Variants in NSD1 observed in about 807,000 individuals in gnomAD.
NSD1 encodes the protein nuclear receptor binding SET domain protein 1, also known as histone-lysine N-methyltransferase, H3 lysine-36 specific.
In NSD1, 26 loss-of-function variants were observed where a neutral mutation model predicts 242.7. That is an observed-to-expected ratio of 0.11 (90% CI 0.08 to 0.15). The LOEUF is 0.15. Ranked by LOEUF, NSD1 falls within the 10% of genes least tolerant of loss-of-function variation. The probability of loss-of-function intolerance (pLI) is 1.00; values close to 1 mark genes in which losing one functional copy is unlikely to be tolerated. For missense variants in NSD1, 2,495 were observed against 3,272.8 expected (o/e 0.76, Z 5.80); for synonymous variants, 1,106 against 1,178.1 (o/e 0.94, Z 1.25).
chr5:177,189,630 G>A (rs1037598346), intron 2 of NSD1, among the ~76,000 whole-genome samples: 4 of 152,126 alleles, frequency 2.6e-5, no homozygotes, highest in Non-Finnish European at 4.4e-5. Flanking sequence ...GTAACCACAG[G>A]CATGTAGTAA....
chr5:177,225,082 A>C (rs1020536039), intron 5 of NSD1, among the ~76,000 whole-genome samples: 1 of 152,068 alleles, frequency 6.6e-6, no homozygotes, highest in African/African-American at 2.4e-5. Flanking sequence ...TACTCAAAGG[A>C]TATTGGTCTA....
At chr5:177,136,622 A>C (rs1193637469) in intron 2 of NSD1, among the ~76,000 whole-genome samples, 1 of 139,304 alleles carries the variant, frequency 7.2e-6, no homozygotes, top group African/African-American at 2.7e-5. Flanking sequence ...TTTTTTTTTG[A>C]GGTGGAGTCT....
chr5:177,269,224 G>A lies in NSD1; in HGVS notation c.5304-378G>A, dbSNP rs1231493869. ...ACCAAATTGTATTTTATTTTGTATA[G>A]TGTACCATGGATAATACTATTATTT... is the stretch of plus-strand genomic sequence containing the variant. On this transcript the variant is annotated intron_variant, in intron 15 of 22. Coordinates refer to ENST00000439151, the MANE Select transcript of NSD1 (RefSeq NM_022455.5). The surrounding 1 kb of genome is among the most constrained non-coding windows in gnomAD (Gnocchi z 5.1). Among the ~76,000 whole-genome samples, 2 of 152,062 alleles carry A rather than the reference G, an allele frequency of 1.3e-5. No homozygotes were observed. The highest frequency in any genetic ancestry group is 2.1e-4 in the South Asian group (1 of 4,826).
upstream of NSD1, among the ~76,000 whole-genome samples, chr5:177,132,055 G>C (rs1246380382): frequency 6.6e-6 from 1 of 152,222 alleles, no homozygotes; most frequent in Non-Finnish European, 1.5e-5. This position sits in a 1 kb window ranked among gnomAD's most constrained non-coding sequence, Gnocchi z 7.5. Flanking sequence ...CCCTTCCGCT[G>C]TCTTGGGGGA....
chr5:177,177,876 A>C (rs976757791), intron 2 of NSD1, among the ~76,000 whole-genome samples: 7 of 152,072 alleles, frequency 4.6e-5, no homozygotes, highest in Non-Finnish European at 1.5e-5. Context: ...TATTCTGTTA[A>C]TGCAAAAAAT....
At chr5:177,175,794 C>A (rs1160581292) in intron 2 of NSD1, among the ~76,000 whole-genome samples, 1 of 152,072 alleles carries the variant, frequency 6.6e-6, no homozygotes. Flanking sequence ...AAAATACTCT[C>A]CAGATGGCAA....
chr5:177,294,772 G>A lies in NSD1; in HGVS notation c.7404G>A (p.Arg2468=), dbSNP rs1189013429. The A allele has an allele frequency of 6.2e-7, 1 of 1,613,874 alleles. No homozygotes were observed. The highest frequency in any genetic ancestry group is 8.5e-7 in the Non-Finnish European group (1 of 1,180,042). The stretch of plus-strand genomic sequence containing the variant: ...ACCTAACTCCTCGCCAGAAGGAGCG[G>A]GCAGCTTCACCTCATCAGGTCACAC... ...LIDLTPRQKE[R]AASPHQVTPQ... is the part of the protein sequence containing the mutation. The change falls in exon 23 of 23, where the codon CGG becomes CGA. Residue 2468 remains arginine (R), a synonymous_variant. Coordinates refer to ENST00000439151, the MANE Select transcript of NSD1 (RefSeq NM_022455.5).
intron 3 of NSD1, among the ~76,000 whole-genome samples, chr5:177,194,300 C>T (rs1376849173): frequency 6.6e-6 from 1 of 151,878 alleles, no homozygotes; most frequent in African/African-American, 2.4e-5. Flanking sequence ...CATTCTGTTG[C>T]CTAGGCTGGA....
In NSD1 at chr5:177,269,189, C is replaced by T. The variant is rs1442923008; in HGVS notation, c.5304-413C>T. ...ATTCCTACTAATTATTGAAGGTTTC[C>T]TTTTTAAAGACCAAATTGTATTTTA... On this transcript the variant is annotated intron_variant, in intron 15 of 22. Coordinates refer to ENST00000439151, the MANE Select transcript of NSD1 (RefSeq NM_022455.5). The surrounding 1 kb of genome is among the most constrained non-coding windows in gnomAD (Gnocchi z 5.1). 6.6e-6 allele frequency among the ~76,000 whole-genome samples: 1 copy of T among 151,970 alleles called. No individual in the cohort carries two copies. The highest frequency in any genetic ancestry group is 1.9e-4 in the East Asian group (1 of 5,184).
chr5:177,209,930 G>A lies in NSD1; in HGVS notation c.1531G>A (p.Val511Met), dbSNP rs748448565. ...CTCTGATAATCCAAAAAGGACTAGT[G>A]TGAAAAAGGGCCACATACAATTTGA... ...KSSDNPKRTS[V>M]KKGHIQFEAH... Residue 511 changes from valine to methionine, a missense_variant, in exon 5 of 23, where the codon GTG becomes ATG. By Grantham distance (21) the Val-to-Met change is conservative. Around this residue, in one of 19 missense-constraint regions of NSD1, gnomAD observed 515 missense variants for 467.0 expected, o/e 1.10. Coordinates refer to ENST00000439151, the MANE Select transcript of NSD1 (RefSeq NM_022455.5). 2.5e-6 allele frequency: 4 copies of A among 1,613,974 alleles called. No individual in the cohort carries two copies. The African/African-American group carries it at 4.0e-5, about 16-fold the overall frequency.
At position 177,239,878 on chromosome 5, in the gene NSD1, T is replaced by C. The variant is rs1170188528; in HGVS notation, c.4302+13T>C. 1 of 1,493,260 alleles carries C rather than the reference T, an allele frequency of 6.7e-7. No individual in the cohort carries two copies. The highest frequency in any genetic ancestry group is 2.3e-5 in the East Asian group (1 of 44,222). The allele number at this position is 1,493,260 out of a possible 1,614,324, so 92.5% of individuals were successfully genotyped here. A position where few individuals can be genotyped will look rare whatever the true frequency, so the allele number is the denominator to read the frequency against. ...CCTTTCTAAAAAGGTATGTTATTTT[T>C]GTAAGTTCTAAAAGAAATAAACTCA... On this transcript the variant is annotated intron_variant, in intron 8 of 22. Transcript: ENST00000439151.
intron 2 of NSD1, among the ~76,000 whole-genome samples, chr5:177,170,040 G>A (rs1759556000): frequency 6.6e-6 from 1 of 152,064 alleles, no homozygotes; most frequent in South Asian, 2.1e-4. Context: ...CGCGATCTCT[G>A]CTCACTGCAA....
chr5:177,299,738 CAGGTGTA>C lies in NSD1; in HGVS notation c.*4284_*4290del. The C allele has an allele frequency of 4.3e-6, 1 of 233,274 alleles. No homozygotes were observed. The highest frequency in any genetic ancestry group is 8.5e-6 in the Non-Finnish European group (1 of 118,060). The allele number at this position is 233,274 out of a possible 1,614,324, so 14.5% of individuals were successfully genotyped here. ...AAAACATCAGGTTATTGTGGGGCTT[CAGGTGTA>C]AGGTCCTGGAAGTTCAGCAAAGTTT... is the stretch of plus-strand genomic sequence containing the variant. On this transcript the variant is annotated 3_prime_UTR_variant, in exon 23 of 23. Transcript: ENST00000439151.
chr5:177,290,201 G>A (rs181183955), intron 21 of NSD1, among the ~76,000 whole-genome samples: 1 of 144,920 alleles, frequency 6.9e-6, no homozygotes, highest in East Asian at 2.0e-4. Flanking sequence ...ATAATGGATG[G>A]ACATACTAGA....
At position 177,135,996 on chromosome 5, in the gene NSD1, C is replaced by A. The variant is rs1474454763; in HGVS notation, c.893C>A (p.Thr298Asn). ...GGAAACATGCTAGAATTACCTGGAACTTCATCATCATCTACTTCACAGGAA... is the reference window on the plus strand; with the variant it reads ...GGAAACATGCTAGAATTACCTGGAAATTCATCATCATCTACTTCACAGGAA... ...TLGNMLELPG[T>N]SSSSTSQELP... Residue 298 changes from threonine (T) to asparagine (N), a missense_variant, in exon 2 of 23, where the codon ACT (threonine) becomes AAT (asparagine). This residue lies in a region of NSD1 where 376 missense variants were observed against 367.4 expected (regional missense o/e 1.02). Transcript: ENST00000439151. The A allele has an allele frequency of 6.2e-7, 1 of 1,614,026 alleles. No individual in the cohort carries two copies. The highest frequency in any genetic ancestry group is 8.5e-7 in the Non-Finnish European group (1 of 1,179,994).
chr5:177,143,453 C>G (rs893711022), intron 2 of NSD1, among the ~76,000 whole-genome samples: 1 of 151,980 alleles, frequency 6.6e-6, no homozygotes, highest in African/African-American at 2.4e-5. Flanking sequence ...TCCTGAGTAG[C>G]TGGGATTACA....
chr5:177,215,085 G>A (rs970976799), intron 5 of NSD1, among the ~76,000 whole-genome samples: 2 of 151,898 alleles, frequency 1.3e-5, no homozygotes, highest in Non-Finnish European at 2.9e-5. Flanking sequence ...CAGTTCATTG[G>A]TTGATGGACA....
intron 21 of NSD1, among the ~76,000 whole-genome samples, chr5:177,289,267 G>C (rs1170340715): frequency 6.6e-6 from 1 of 151,890 alleles, no homozygotes; most frequent in Non-Finnish European, 1.5e-5. Context: ...ATTGCAGTGA[G>C]CTGAGATCAC....
At chr5:177,249,503 G>A (rs183104408) in intron 11 of NSD1, among the ~76,000 whole-genome samples, 4 of 151,996 alleles carry the variant, frequency 2.6e-5, no homozygotes, top group Non-Finnish European at 5.9e-5. Flanking sequence ...GTCTCGCTCT[G>A]TCGGCCAGGC....
Sources: gnomAD v4.1 joint callset for allele counts (sites outside exome capture counted in the v4.1 genomes callset) on GRCh38, gnomAD v4.1.1 for gene constraint, gnomAD v4.1.1 regional missense constraint, Gnocchi (gnomAD v3.1) non-coding constraint, MANE v1.5 for transcripts, NCBI Gene and HGNC (gene_info 2026-07-23, HGNC 2026-07-21) for gene names.